Variants in BCL6 observed in about 807,000 individuals in gnomAD.
BCL6 encodes B-cell lymphoma 6 protein.
A neutral mutation model predicts 59.5 loss-of-function variants in BCL6; 7 were observed. That is an observed-to-expected ratio of 0.12 (90% CI 0.07 to 0.22). The LOEUF (loss-of-function observed/expected upper bound fraction) is 0.22. BCL6 is among the 10% of genes least tolerant of loss of function. The pLI is 1.00. For synonymous variants in BCL6, 339 were observed against 349.7 expected, an observed-to-expected ratio of 0.97 and a Z score of 0.34; for missense variants, 685 against 939.4, an observed-to-expected ratio of 0.73 and a Z score of 3.54.
intron 7 of BCL6, 51 bp downstream of exon 7, chr3:187,726,680 T>C: frequency 3.1e-6 from 5 of 1,596,078 alleles, no homozygotes; most frequent in Non-Finnish European, 4.3e-6. Flanking sequence ...CCTCTCCCTG[T>C]CCTGCCCCAA....
intron 1 of BCL6, among the ~76,000 whole-genome samples, chr3:187,744,022 G>C (rs1711742405): frequency 6.6e-6 from 1 of 152,156 alleles, no homozygotes; most frequent in African/African-American, 2.4e-5. Context: ...CTGGGGCTCT[G>C]TTCGTCTTTC....
chr3:187,721,631 T>C lies in BCL6; in HGVS notation c.*827A>G, dbSNP rs4634104. 2.6e-5 allele frequency: 6 copies of C among 233,076 alleles called. No individual in the cohort carries two copies. Among genetic ancestry groups the C allele is most frequent in the East Asian group, 1.2e-4 (2 of 16,526 alleles). The allele number at this position is 233,076 out of a possible 1,614,324, so 14.4% of individuals were successfully genotyped here. The stretch of plus-strand genomic sequence containing the variant: ...AAAACTTCCGTGAAAAAAGGCACCG[T>C]GAGGACACGTTGTACGGGTATATAC... On this transcript the variant is annotated 3_prime_UTR_variant, in exon 10 of 10. Transcript: ENST00000406870. This position sits in a 1 kb window ranked among gnomAD's most constrained non-coding sequence, Gnocchi z 4.2.
Position 187,728,557 on chromosome 3 carries a change from G to A in BCL6, c.1356-13C>T. ...GCCCGTCATGGACCTATGGACAGGA[G>A]TAAAAACAGCCTCAGCACCTGGGGC... On this transcript the variant is annotated splice_polypyrimidine_tract_variant and intron_variant, in intron 5 of 9. Coordinates refer to ENST00000406870, the MANE Select transcript of BCL6 (RefSeq NM_001706.5). 6.3e-7 allele frequency: 1 copy of A among 1,591,548 alleles called. No homozygotes were observed. Among genetic ancestry groups the A allele is most frequent in the African/African-American group, 1.4e-5 (1 of 73,112 alleles).
At chr3:187,744,936 C>A (rs964901193) in intron 1 of BCL6, among the ~76,000 whole-genome samples, 1 of 152,290 alleles carries the variant, frequency 6.6e-6, no homozygotes, top group South Asian at 2.1e-4. Context: ...GTCCTCTCCG[C>A]GGTCTGGGGC....
chr3:187,744,577 A>G (rs570049799), intron 1 of BCL6, among the ~76,000 whole-genome samples: 2 of 152,270 alleles, frequency 1.3e-5, no homozygotes, highest in South Asian at 2.1e-4. Flanking sequence ...TTTATGACCA[A>G]AAAAACAAAA....
In BCL6 at chr3:187,725,781, G is replaced by T; in HGVS notation, c.1709-152C>A. The T allele has an allele frequency of 9.9e-7, 1 of 1,012,056 alleles. No homozygotes were observed. The highest frequency in any genetic ancestry group is 1.4e-6 in the Non-Finnish European group (1 of 708,512). 62.7% of individuals were successfully genotyped at this position (1,012,056 alleles called of 1,614,324 possible). On this transcript the variant is annotated intron_variant, in intron 7 of 9. Transcript: ENST00000406870. The surrounding 1 kb of genome is among the most constrained non-coding windows in gnomAD (Gnocchi z 4.7). ...GGAATGTGAGAGAGAGAATCCAGGG[G>T]CCTGCCCCCACATCTGTCAGCCCTC...
At chr3:187,744,748 GA>G in intron 1 of BCL6, among the ~76,000 whole-genome samples, 2 of 152,220 alleles carry the variant, frequency 1.3e-5, no homozygotes, top group Admixed American at 6.5e-5. Context: ...AAGGACAGGG[GA>G]AGGGAAGGAA....
At chr3:187,744,029 T>C (rs1711742810) in intron 1 of BCL6, among the ~76,000 whole-genome samples, 1 of 152,210 alleles carries the variant, frequency 6.6e-6, no homozygotes, top group African/African-American at 2.4e-5. Flanking sequence ...TCTGTTCGTC[T>C]TTCTCCTCGC....
chr3:187,727,767 T>TGATTA (rs1718794987), intron 6 of BCL6, among the ~76,000 whole-genome samples: 1 of 152,256 alleles, frequency 6.6e-6, no homozygotes, highest in African/African-American at 2.4e-5. Context: ...TAGGTACTAC[T>TGATTA]GGGCTCTATT....
Position 187,733,524 on chromosome 3 carries a change from A to G in BCL6, c.161+9T>C, listed in dbSNP as rs376250017. Reference sequence around the variant, plus strand: ...TGACTTACCCACCCTTTCCTTTCAGATCCCTCACCTGCAGGCCATGAGGAC... The same window carrying G: ...TGACTTACCCACCCTTTCCTTTCAGGTCCCTCACCTGCAGGCCATGAGGAC... On this transcript the variant is annotated intron_variant, in intron 3 of 9. Transcript: ENST00000406870. 6.2e-7 allele frequency: 1 copy of G among 1,611,272 alleles called. No individual in the cohort carries two copies. The highest frequency in any genetic ancestry group is 1.3e-5 in the African/African-American group (1 of 74,728).
intron 3 of BCL6, among the ~76,000 whole-genome samples, chr3:187,732,819 C>T (rs573903823): frequency 3.3e-5 from 5 of 152,282 alleles, no homozygotes; most frequent in African/African-American, 1.2e-4. Context: ...TCTCCATAAG[C>T]CTCTGTTATT....
At chr3:187,743,524 T>C (rs924950174) in intron 1 of BCL6, among the ~76,000 whole-genome samples, 1 of 152,126 alleles carries the variant, frequency 6.6e-6, no homozygotes, top group Admixed American at 6.5e-5. Flanking sequence ...AGAGGGTCTT[T>C]TTTCATTTTT....
rs115782579 is a variant in BCL6 at position 187,725,159 on chromosome 3, T to C, written c.1840-81A>G. ...CAGCCCCTCATTAGCACACAGCCAGTGAGTGGGCCTTTCTCCAGGCCACTC... is the reference window on the plus strand; with the variant it reads ...CAGCCCCTCATTAGCACACAGCCAGCGAGTGGGCCTTTCTCCAGGCCACTC... On this transcript the variant is annotated intron_variant, in intron 8 of 9. Transcript: ENST00000406870. The surrounding 1 kb of genome is among the most constrained non-coding windows in gnomAD (Gnocchi z 4.7). 2.7e-3 allele frequency: 4,329 copies of C among 1,579,846 alleles called. 103 individuals carry two copies. The African/African-American group carries it at 0.052, about 19-fold the overall frequency.
In BCL6 at chr3:187,728,494, T is replaced by C; in HGVS notation, c.1406A>G (p.Tyr469Cys). 6.2e-7 allele frequency: 1 copy of C among 1,611,374 alleles called. No homozygotes were observed. The highest frequency in any genetic ancestry group is 8.5e-7 in the Non-Finnish European group (1 of 1,179,550). ...RSSSESHSPLYMHPPKCTSCG... is the reference protein window; with the variant it reads ...RSSSESHSPLCMHPPKCTSCG... ...GGACGTGCACTTCGGGGGGTGCATG[T>C]AGAGTGGTGAGTGGCTCTCGCTGCT... The change falls in exon 6 of 10, where the codon TAC becomes TGC. Residue 469 changes from tyrosine (Y) to cysteine (C), a missense_variant. By Grantham distance (194) the Tyr-to-Cys change is radical. Transcript: ENST00000406870.
In BCL6 at chr3:187,724,867, T is replaced by A. The variant is rs1718594181; in HGVS notation, c.1977+74A>T. 1.9e-6 allele frequency: 3 copies of A among 1,592,788 alleles called. No individual in the cohort carries two copies. In the East Asian group the frequency reaches 6.7e-5, roughly 36 times the overall value. ...CCACTGCCTCCCTGCTCCACCTCCT[T>A]CCCTGCGCTCCACCTCCTTCCCTGC... On this transcript the variant is annotated intron_variant, in intron 9 of 9. Coordinates refer to ENST00000406870, the MANE Select transcript of BCL6 (RefSeq NM_001706.5).
Position 187,744,490 on chromosome 3 carries a change from C to T in BCL6, c.-50+920G>A, listed in dbSNP as rs80276199. Among the ~76,000 whole-genome samples, 3 of 151,862 alleles carry T rather than the reference C, an allele frequency of 2.0e-5. No homozygotes were observed. In the East Asian group the frequency reaches 5.8e-4, roughly 30 times the overall value. On this transcript the variant is annotated intron_variant, in intron 1 of 9. Transcript: ENST00000406870. ...CCCCAAAACACAGGGGCAGGGAACACCAAAACACTCGGCTCTCATTAGGAA... is the reference window on the plus strand; with the variant it reads ...CCCCAAAACACAGGGGCAGGGAACATCAAAACACTCGGCTCTCATTAGGAA...
chr3:187,733,949 T>C (rs1467208387), intron 2 of BCL6: 3 of 508,948 alleles, frequency 5.9e-6, no homozygotes, highest in African/African-American at 1.9e-5. Flanking sequence ...AGGGAATGAA[T>C]ATTTGTTGAG....
At chr3:187,744,417 C>G (rs189536041) in intron 1 of BCL6, among the ~76,000 whole-genome samples, 6 of 151,250 alleles carry the variant, frequency 4.0e-5, no homozygotes, top group Admixed American at 6.6e-5. Flanking sequence ...TCGACTACAA[C>G]CAAGAAAGAA....
At chr3:187,726,595 G>T in intron 7 of BCL6, 136 bp downstream of exon 7, 1 of 1,261,412 alleles carries the variant, frequency 7.9e-7, no homozygotes, top group Non-Finnish European at 1.1e-6. Flanking sequence ...TAGACCCCTC[G>T]TTCAGGCCAG....
Sources: allele counts gnomAD v4.1 joint callset (sites outside exome capture counted in the v4.1 genomes callset), GRCh38; gene constraint gnomAD v4.1.1; non-coding constraint Gnocchi (gnomAD v3.1); transcripts MANE v1.5; gene names NCBI Gene and HGNC (gene_info 2026-07-23, HGNC 2026-07-21).